Variants in MMP26 observed in about 807,000 individuals in gnomAD.
MMP26 encodes matrix metallopeptidase 26, also known as matrix metalloproteinase-26.
MMP26 carries 33 observed loss-of-function variants against 31.0 expected under a neutral mutation model. The observed-to-expected ratio is 1.06, with a 90% CI of 0.81 to 1.42. The LOEUF (loss-of-function observed/expected upper bound fraction) is 1.42, where lower values mean the gene tolerates loss of function less well. MMP26 is among the 40% of genes most tolerant of loss of function. The pLI, the probability that MMP26 is intolerant of heterozygous loss-of-function variation, is 0.00. For missense variants in MMP26, 347 were observed against 316.1 expected, an observed-to-expected ratio of 1.10 and a Z score of -0.74; for synonymous variants, 122 against 114.9, an observed-to-expected ratio of 1.06 and a Z score of -0.40.
intron 2 of MMP26, among the ~76,000 whole-genome samples, chr11:4,906,854 G>A (rs1190949022): frequency 2.0e-5 from 3 of 152,022 alleles, no homozygotes; most frequent in Non-Finnish European, 4.4e-5. Context: ...ACTTTGGGAG[G>A]CCAAGGCAGG....
At chr11:4,744,961 CAATAT>C (rs1246867067) in intron 1 of MMP26, among the ~76,000 whole-genome samples, 2 of 151,976 alleles carry the variant, frequency 1.3e-5, no homozygotes, top group Non-Finnish European at 2.9e-5. Context: ...GTATGCAATA[CAATAT>C]AATTAATATA....
chr11:4,765,316 G>A (rs1357319378), intron 1 of MMP26, among the ~76,000 whole-genome samples: 1 of 152,146 alleles, frequency 6.6e-6, no homozygotes, highest in African/African-American at 2.4e-5. Flanking sequence ...GACTAAATCT[G>A]TTCAGAACTG....
chr11:4,820,089 A>G (rs919340026), intron 2 of MMP26, among the ~76,000 whole-genome samples: 1 of 152,170 alleles, frequency 6.6e-6, no homozygotes, highest in Non-Finnish European at 1.5e-5. Flanking sequence ...GGACCATAGT[A>G]TGTCTCTTTA....
chr11:4,983,920 A>C (rs1236475240), intron 2 of MMP26, among the ~76,000 whole-genome samples: 3 of 152,210 alleles, frequency 2.0e-5, no homozygotes, highest in African/African-American at 7.2e-5. Flanking sequence ...TTCTATGCAT[A>C]TTACATTTTG....
At chr11:4,859,362 G>A (rs552369206) in intron 2 of MMP26, among the ~76,000 whole-genome samples, 5 of 152,108 alleles carry the variant, frequency 3.3e-5, no homozygotes, top group African/African-American at 4.8e-5. Flanking sequence ...CTCATCTCCC[G>A]TGTCATAGAA....
intron 2 of MMP26, among the ~76,000 whole-genome samples, chr11:4,865,797 A>T (rs527860248): frequency 6.6e-6 from 1 of 152,296 alleles, no homozygotes; most frequent in Non-Finnish European, 1.5e-5. Flanking sequence ...TCAGTAGGAA[A>T]TAAAGAAGCG....
chr11:4,770,721 T>C (rs990990284), intron 2 of MMP26, among the ~76,000 whole-genome samples: 3 of 152,092 alleles, frequency 2.0e-5, no homozygotes, highest in Non-Finnish European at 2.9e-5. Context: ...CGTGTATCTG[T>C]AGTCCCAGCT....
At chr11:4,981,616 G>C (rs1846814500) in intron 2 of MMP26, among the ~76,000 whole-genome samples, 1 of 151,912 alleles carries the variant, frequency 6.6e-6, no homozygotes, top group African/African-American at 2.4e-5. Context: ...GTACACTTAG[G>C]CTACCCTAAA....
At chr11:4,823,162 A>T (rs1246075282) in intron 2 of MMP26, among the ~76,000 whole-genome samples, 1 of 151,166 alleles carries the variant, frequency 6.6e-6, no homozygotes, top group Non-Finnish European at 1.5e-5. Context: ...CAACGTATAG[A>T]TACTTTATAG....
At chr11:4,946,512 C>T (rs1268692113) in intron 2 of MMP26, 23 of 1,608,802 alleles carry the variant, frequency 1.4e-5, no homozygotes, top group Non-Finnish European at 1.8e-5. Context: ...TAGATAACAT[C>T]AATTCTGTTG....
At chr11:4,987,525 T>A (rs900437189) in intron 2 of MMP26, among the ~76,000 whole-genome samples, 2 of 152,022 alleles carry the variant, frequency 1.3e-5, no homozygotes, top group Non-Finnish European at 2.9e-5. Context: ...TTCACGCCAT[T>A]CTCCTGCCTC....
At chr11:4,973,166 T>C (rs1589822081) in intron 2 of MMP26, 1 of 199,676 alleles carries the variant, frequency 5.0e-6, no homozygotes, top group Admixed American at 4.8e-5. Flanking sequence ...AACACATGTA[T>C]TGAGGACCTT....
At chr11:4,775,320 T>A (rs1848776803) in intron 2 of MMP26, among the ~76,000 whole-genome samples, 1 of 152,208 alleles carries the variant, frequency 6.6e-6, no homozygotes, top group African/African-American at 2.4e-5. Flanking sequence ...TGGTTTGTAG[T>A]TCTCCTTGAA....
intron 2 of MMP26, among the ~76,000 whole-genome samples, chr11:4,926,413 T>C (rs1564808763): frequency 1.3e-5 from 2 of 151,990 alleles, no homozygotes; most frequent in African/African-American, 2.4e-5. Flanking sequence ...AGTGAGAAAA[T>C]GGCAACATAT....
chr11:4,813,767 G>T (rs1294451453), intron 2 of MMP26, among the ~76,000 whole-genome samples: 2 of 151,764 alleles, frequency 1.3e-5, no homozygotes, highest in African/African-American at 4.8e-5. Context: ...TTCTTATACA[G>T]GACACAAAAG....
rs1846774560 is a variant in MMP26 at position 4,978,818 on chromosome 11, C to T, written c.-144-9250C>T. Among the ~76,000 whole-genome samples the T allele has an allele frequency of 1.3e-5, 2 of 151,978 alleles. 1 individual carries two copies. Among genetic ancestry groups the T allele is most frequent in the South Asian group, 4.2e-4 (2 of 4,812 alleles). On this transcript the variant is annotated intron_variant, in intron 2 of 7. Transcript: ENST00000380390. ...AGGGTCCTACCTTCTCCTATTTTCC[C>T]AACGCCAGGTCATAAATTAGGAATA...
intron 2 of MMP26, among the ~76,000 whole-genome samples, chr11:4,936,135 T>C (rs989569935): frequency 4.7e-5 from 7 of 148,910 alleles, no homozygotes; most frequent in South Asian, 2.2e-4. Context: ...TTGATTGGAA[T>C]AGTTTCAGAA....
intron 1 of MMP26, among the ~76,000 whole-genome samples, chr11:4,740,836 T>C (rs149430851): frequency 6.6e-6 from 1 of 152,312 alleles, no homozygotes; most frequent in African/African-American, 2.4e-5. Context: ...GACATTTTAG[T>C]CCCTTCCACA....
intron 2 of MMP26, chr11:4,871,665 G>A (rs1425681792): frequency 6.6e-6 from 1 of 152,170 alleles, no homozygotes; most frequent in Non-Finnish European, 1.5e-5. Context: ...GGGCAAGGGT[G>A]CTGTTGGTTT....
Sources: gnomAD v4.1 joint callset for allele counts (sites outside exome capture counted in the v4.1 genomes callset) on GRCh38, gnomAD v4.1.1 for gene constraint, MANE v1.5 for transcripts, NCBI Gene and HGNC (gene_info 2026-07-23, HGNC 2026-07-21) for gene names.